The following ZNF831 variants were observed in gnomAD, a reference collection of about 807,000 sequenced individuals.
ZNF831 encodes zinc finger protein 831.
ZNF831 carries 59 observed loss-of-function variants against 95.8 expected under a neutral mutation model. That is an observed-to-expected ratio of 0.62 (90% CI 0.50 to 0.77). The LOEUF (loss-of-function observed/expected upper bound fraction) is 0.77, where lower values mean the gene tolerates loss of function less well. ZNF831 is among the 30% of genes least tolerant of loss of function. The pLI, the probability that ZNF831 is intolerant of heterozygous loss-of-function variation, is 0.00. For synonymous variants in ZNF831, 961 were observed against 925.5 expected (o/e 1.04, Z -0.70); for missense variants, 2,205 against 2,164.0 (o/e 1.02, Z -0.38).
At chr20:59,240,710 G>C (rs1431902618) in intron 4 of ZNF831, among the ~76,000 whole-genome samples, 4 of 152,138 alleles carry the variant, frequency 2.6e-5, no homozygotes, top group Non-Finnish European at 1.5e-5. Flanking sequence ...GCTGAGGCAG[G>C]AGAATGGCGT....
chr20:59,256,326 C>T lies in ZNF831; in HGVS notation c.*1583C>T, dbSNP rs1244735706. ...CCATTTCATATGCACTCATAAATAT[C>T]CAAGGATTTCAGGCCCAGCCAAGAA... On this transcript the variant is annotated 3_prime_UTR_variant, in exon 6 of 6. Coordinates refer to ENST00000371030, the MANE Select transcript of ZNF831 (RefSeq NM_178457.3). 1 of 152,154 alleles carries T rather than the reference C, an allele frequency of 6.6e-6. No homozygotes were observed. Among genetic ancestry groups the T allele is most frequent in the Non-Finnish European group, 1.5e-5 (1 of 68,034 alleles). 9.4% of individuals were successfully genotyped at this position (152,154 alleles called of 1,614,324 possible). A position where few individuals can be genotyped will look rare whatever the true frequency, so the allele number is the denominator to read the frequency against.
rs750456278 is a variant in ZNF831 at position 59,164,177 on chromosome 20, A to G, written c.-67A>G. 1.3e-5 allele frequency among the ~76,000 whole-genome samples: 2 copies of G among 152,142 alleles called. No individual in the cohort carries two copies. The highest frequency in any genetic ancestry group is 2.9e-5 in the Non-Finnish European group (2 of 68,030). On this transcript the variant is annotated 5_prime_UTR_variant, in exon 1 of 6. Transcript: ENST00000371030. ...ATCATTGTGTTTGAATCAGAGCATC[A>G]TTGGCTGAAAACACTCCACTGTTTA... is the stretch of plus-strand genomic sequence containing the variant.
At chr20:59,235,671 G>A (rs1370920266) in intron 4 of ZNF831, among the ~76,000 whole-genome samples, 1 of 152,046 alleles carries the variant, frequency 6.6e-6, no homozygotes, top group Non-Finnish European at 1.5e-5. Flanking sequence ...GTGGAGAGGT[G>A]CTACCTATAA....
At chr20:59,202,633 C>T (rs2146626208) in intron 3 of ZNF831, among the ~76,000 whole-genome samples, 1 of 152,164 alleles carries the variant, frequency 6.6e-6, no homozygotes, top group East Asian at 1.9e-4. Flanking sequence ...CTAATTCACC[C>T]ACATACTGAG....
rs1185865616 is a variant in ZNF831, at chr20:59,191,098, C to T, written c.79C>T (p.Pro27Ser). 1 of 1,559,376 alleles carries T rather than the reference C, an allele frequency of 6.4e-7. No homozygotes were observed. Among genetic ancestry groups the T allele is most frequent in the Non-Finnish European group, 8.6e-7 (1 of 1,159,556 alleles). Reference sequence around the variant, plus strand: ...TCCCACTCCTGGCCCTCCAGGGGCCCCAGGTGGCCAGGCCTCACCTCACCT... The same window carrying T: ...TCCCACTCCTGGCCCTCCAGGGGCCTCAGGTGGCCAGGCCTCACCTCACCT... ...PAPTPGPPGA[P>S]GGQASPHLTL... Residue 27 changes from proline (P) to serine (S), a missense_variant, in exon 2 of 6, where the codon CCA becomes TCA. By Grantham distance (74) the Pro-to-Ser change is moderately conservative. Coordinates refer to ENST00000371030, the MANE Select transcript of ZNF831 (RefSeq NM_178457.3).
At chr20:59,181,686 G>A (rs1470079318) in intron 1 of ZNF831, among the ~76,000 whole-genome samples, 3 of 151,802 alleles carry the variant, frequency 2.0e-5, no homozygotes, top group Admixed American at 1.3e-4. Flanking sequence ...GTAGATGTGT[G>A]GTGTTATTTC....
intron 1 of ZNF831, among the ~76,000 whole-genome samples, chr20:59,142,245 A>G (rs2146445245): frequency 6.6e-6 from 1 of 152,336 alleles, no homozygotes; most frequent in African/African-American, 2.4e-5. Flanking sequence ...GGAGTGAGGC[A>G]TGAAGGAATC....
In ZNF831 at chr20:59,240,833, A is replaced by C. The variant is rs943623236; in HGVS notation, c.4028-12145A>C. ...TAAATAAATAAATAAATAAATAAAA[A>C]TATTTCTAGGGAAATACTCTTCCTT... is the stretch of plus-strand genomic sequence containing the variant. On this transcript the variant is annotated intron_variant, in intron 4 of 5. Transcript: ENST00000371030. 3.3e-5 allele frequency among the ~76,000 whole-genome samples: 5 copies of C among 152,044 alleles called. No homozygotes were observed. In the South Asian group the frequency reaches 6.2e-4, roughly 19 times the overall value.
At chr20:59,134,632 T>C (rs1280233343) in intron 1 of ZNF831, among the ~76,000 whole-genome samples, 1 of 152,234 alleles carries the variant, frequency 6.6e-6, no homozygotes, top group Non-Finnish European at 1.5e-5. Flanking sequence ...CATGTGTTTA[T>C]TGTCGTCTTG....
chr20:59,137,337 T>C (rs972300362), intron 1 of ZNF831, among the ~76,000 whole-genome samples: 1 of 152,066 alleles, frequency 6.6e-6, no homozygotes, highest in Non-Finnish European at 1.5e-5. Flanking sequence ...ATACCTTGCC[T>C]TTCTCACTAC....
chr20:59,164,476 A>G lies in ZNF831; in HGVS notation c.-37+269A>G, dbSNP rs558623682. ...TACTAAACAGAAAAACATTTATAAG[A>G]AAATTTATTGCTTTATAAACTGTTT... On this transcript the variant is annotated intron_variant, in intron 1 of 5. Transcript: ENST00000371030. Among the ~76,000 whole-genome samples, 22 of 152,340 alleles carry G rather than the reference A, an allele frequency of 1.4e-4. No individual in the cohort carries two copies. The South Asian group carries it at 4.1e-3, about 29-fold the overall frequency.
chr20:59,212,680 T>C, intron 4 of ZNF831, among the ~76,000 whole-genome samples: 1 of 152,330 alleles, frequency 6.6e-6, no homozygotes, highest in East Asian at 1.9e-4. Context: ...GTCATTGATG[T>C]ACCAGGGAAA....
intron 3 of ZNF831, among the ~76,000 whole-genome samples, chr20:59,203,192 G>A (rs1322181857): frequency 6.6e-6 from 1 of 151,928 alleles, no homozygotes; most frequent in East Asian, 1.9e-4. Context: ...TTTTCTTCTT[G>A]TATGAATTCA....
intron 2 of ZNF831, among the ~76,000 whole-genome samples, chr20:59,151,437 C>T (rs1980229503): frequency 6.6e-6 from 1 of 152,190 alleles, no homozygotes; most frequent in African/African-American, 2.4e-5. Flanking sequence ...GTTTATGATA[C>T]ACCCGACCCT....
chr20:59,253,879 C>CTTTT lies in ZNF831; in HGVS notation c.4189-19_4189-18insTTTT. 2.5e-5 allele frequency: 12 copies of CTTTT among 489,114 alleles called. No homozygotes were observed. The highest frequency in any genetic ancestry group is 1.8e-4 in the South Asian group (4 of 22,432). 30.3% of individuals were successfully genotyped at this position (489,114 alleles called of 1,614,324 possible). A position where few individuals can be genotyped will look rare whatever the true frequency, so the allele number is the denominator to read the frequency against. On this transcript the variant is annotated intron_variant, in intron 5 of 5. Transcript: ENST00000371030. Reference sequence around the variant, plus strand: ...TAACCTCCCCCCCCACTTTTTTTTTCCTTTGCACTTTGTTGCAGGATATTT... The same window carrying CTTTT: ...TAACCTCCCCCCCCACTTTTTTTTTCTTTTCTTTGCACTTTGTTGCAGGATATTT...
chr20:59,238,938 T>C (rs1987158095), intron 4 of ZNF831, among the ~76,000 whole-genome samples: 1 of 152,092 alleles, frequency 6.6e-6, no homozygotes, highest in Non-Finnish European at 1.5e-5. Context: ...AGGAAAATGG[T>C]AGCTGTGTTT....
At chr20:59,207,638 C>T (rs1984993276) in intron 4 of ZNF831, among the ~76,000 whole-genome samples, 1 of 152,210 alleles carries the variant, frequency 6.6e-6, no homozygotes, top group South Asian at 2.1e-4. Flanking sequence ...AATCACTGGG[C>T]AACCGGGGCA....
At chr20:59,190,707 C>G (rs1019548912) in intron 1 of ZNF831, among the ~76,000 whole-genome samples, 1 of 152,224 alleles carries the variant, frequency 6.6e-6, no homozygotes, top group Non-Finnish European at 1.5e-5. Context: ...TGGACCTGTG[C>G]AGATGGCATG....
intron 2 of ZNF831, among the ~76,000 whole-genome samples, chr20:59,150,685 C>T (rs1276189201): frequency 6.6e-6 from 1 of 152,180 alleles, no homozygotes; most frequent in Non-Finnish European, 1.5e-5. Context: ...TATGCTGTGG[C>T]CAGTACTCCG....
Sources: gnomAD v4.1 joint callset for allele counts (sites outside exome capture counted in the v4.1 genomes callset) on GRCh38, gnomAD v4.1.1 for gene constraint, MANE v1.5 for transcripts, NCBI Gene and HGNC (gene_info 2026-07-23, HGNC 2026-07-21) for gene names.